SLC35F1: variants seen among roughly 807,000 people sequenced by gnomAD.
SLC35F1 encodes chromosome 6 open reading frame 169.
In SLC35F1, 14 loss-of-function variants were observed where a neutral mutation model predicts 48.7. That is an observed-to-expected ratio of 0.29 (90% CI 0.19 to 0.45). The LOEUF is 0.45. SLC35F1 is among the 20% of genes least tolerant of loss of function. The pLI, the probability that SLC35F1 is intolerant of heterozygous loss-of-function variation, is 1.00. For synonymous variants in SLC35F1, 190 were observed against 202.2 expected, an observed-to-expected ratio of 0.94 and a Z score of 0.51; for missense variants, 404 against 500.0, an observed-to-expected ratio of 0.81 and a Z score of 1.83.
intron 3 of SLC35F1, among the ~76,000 whole-genome samples, chr6:118,246,416 A>T (rs1437381838): frequency 6.6e-6 from 1 of 152,208 alleles, no homozygotes; most frequent in Non-Finnish European, 1.5e-5. Context: ...ATAGATCAGT[A>T]AATGAATTAC....
intron 1 of SLC35F1, among the ~76,000 whole-genome samples, chr6:117,943,599 A>ATG (rs1308112719): frequency 3.3e-5 from 5 of 152,212 alleles, no homozygotes; most frequent in Non-Finnish European, 7.4e-5. Flanking sequence ...TTATCTTTCA[A>ATG]TGGAAATTTA....
intron 1 of SLC35F1, among the ~76,000 whole-genome samples, chr6:118,041,403 C>T (rs1772218044): frequency 6.6e-6 from 1 of 152,152 alleles, no homozygotes; most frequent in African/African-American, 2.4e-5. Context: ...GAGCGCTTCA[C>T]TGCCTGTCAA....
intron 1 of SLC35F1, among the ~76,000 whole-genome samples, chr6:117,969,731 C>T (rs1776615698): frequency 6.6e-6 from 1 of 151,944 alleles, no homozygotes; most frequent in South Asian, 2.1e-4. Flanking sequence ...AAAAAATCAT[C>T]TGCAATTTCA....
intron 1 of SLC35F1, among the ~76,000 whole-genome samples, chr6:118,040,845 A>T (rs1238882008): frequency 6.6e-6 from 1 of 151,766 alleles, no homozygotes; most frequent in African/African-American, 2.4e-5. Context: ...GAACACTTTT[A>T]CATCTCCCTA....
intron 2 of SLC35F1, among the ~76,000 whole-genome samples, chr6:118,176,788 A>G (rs1380705554): frequency 6.6e-6 from 1 of 152,002 alleles, no homozygotes; most frequent in Non-Finnish European, 1.5e-5. Context: ...GTTGTATTAT[A>G]CTTTATGTTG....
At chr6:118,216,677 T>C (rs1281700552) in intron 2 of SLC35F1, among the ~76,000 whole-genome samples, 1 of 152,176 alleles carries the variant, frequency 6.6e-6, no homozygotes, top group Non-Finnish European at 1.5e-5. Flanking sequence ...ACACAGGAAT[T>C]ATTTCCTTAT....
chr6:118,071,203 A>G lies in SLC35F1; in HGVS notation c.174-83242A>G, dbSNP rs552313225. Among the ~76,000 whole-genome samples the G allele has an allele frequency of 5.5e-3, 799 of 145,918 alleles. 12 individuals carry two copies. Among genetic ancestry groups the G allele is most frequent in the African/African-American group, 0.019 (759 of 39,868 alleles). ...CTATGTGTGTATATACACACATAGT[A>G]TATATATATACTATGTGTATATATT... On this transcript the variant is annotated intron_variant, in intron 1 of 7. Coordinates refer to ENST00000360388, the MANE Select transcript of SLC35F1 (RefSeq NM_001029858.4).
rs1301011964 is a variant in SLC35F1 at position 118,235,635 on chromosome 6, A to T, written c.476A>T (p.Gln159Leu). The T allele has an allele frequency of 6.2e-7, 1 of 1,611,480 alleles. No individual in the cohort carries two copies. Among genetic ancestry groups the T allele is most frequent in the Non-Finnish European group, 8.5e-7 (1 of 1,179,024 alleles). ...CAATACACAACTCTGACCAGTATCC[A>T]GGTACCCATGGTTCTTCTTCCCTTC... The part of the protein sequence containing the change: ...AYQYTTLTSI[Q>L]LLDCFVIPVV... Residue 159 changes from glutamine (Q) to leucine (L), a missense_variant and splice_region_variant, in exon 3 of 8, where the codon CAG becomes CTG. Transcript: ENST00000360388.
chr6:118,154,674 A>G, intron 2 of SLC35F1, 54 bp downstream of exon 2: 3 of 1,511,976 alleles, frequency 2.0e-6, no homozygotes, highest in Non-Finnish European at 2.7e-6. Flanking sequence ...TAAAAAAAAG[A>G]TGAGCCATGA....
At chr6:118,256,258 G>A (rs189797430) in intron 3 of SLC35F1, among the ~76,000 whole-genome samples, 1 of 143,206 alleles carries the variant, frequency 7.0e-6, no homozygotes, top group East Asian at 2.1e-4. Flanking sequence ...GTGTGTGACT[G>A]AAGTTTGTCC....
intron 1 of SLC35F1, among the ~76,000 whole-genome samples, chr6:117,936,036 C>G (rs932080719): frequency 2.0e-5 from 3 of 152,134 alleles, no homozygotes; most frequent in African/African-American, 7.2e-5. Flanking sequence ...ATTTGGTGCC[C>G]TCTCTTATGG....
intron 7 of SLC35F1, among the ~76,000 whole-genome samples, chr6:118,292,043 G>A (rs1307348664): frequency 6.6e-6 from 1 of 152,130 alleles, no homozygotes; most frequent in Non-Finnish European, 1.5e-5. Context: ...GCTTGAACCC[G>A]GGAGGCAGAG....
At chr6:118,196,883 G>A (rs1774809636) in intron 2 of SLC35F1, among the ~76,000 whole-genome samples, 1 of 151,726 alleles carries the variant, frequency 6.6e-6, no homozygotes, top group African/African-American at 2.4e-5. Context: ...CCTAACATAA[G>A]GGTCCCATTT....
At chr6:117,973,396 G>A (rs905621703) in intron 1 of SLC35F1, among the ~76,000 whole-genome samples, 1 of 152,056 alleles carries the variant, frequency 6.6e-6, no homozygotes, top group Non-Finnish European at 1.5e-5. Flanking sequence ...CATAATGACT[G>A]ATTTATGTAT....
At chr6:118,244,272 G>A (rs892296098) in intron 3 of SLC35F1, among the ~76,000 whole-genome samples, 1 of 152,256 alleles carries the variant, frequency 6.6e-6, no homozygotes, top group Non-Finnish European at 1.5e-5. Context: ...AACCCACAGA[G>A]TTCTTGGCTT....
intron 7 of SLC35F1, among the ~76,000 whole-genome samples, chr6:118,295,459 G>C (rs1214107826): frequency 6.6e-6 from 1 of 152,126 alleles, no homozygotes; most frequent in East Asian, 1.9e-4. Context: ...CCCAATGCCA[G>C]AGAGTTTACA....
At chr6:118,230,888 G>A (rs187380498) in intron 2 of SLC35F1, among the ~76,000 whole-genome samples, 7 of 152,222 alleles carry the variant, frequency 4.6e-5, no homozygotes, top group Admixed American at 4.6e-4. Context: ...TTGAGCCCAG[G>A]AAGTCAGGGC....
At chr6:118,166,737 G>A (rs1774323813) in intron 2 of SLC35F1, among the ~76,000 whole-genome samples, 1 of 152,226 alleles carries the variant, frequency 6.6e-6, no homozygotes, top group East Asian at 1.9e-4. Flanking sequence ...CTCTACCCCT[G>A]TTTTCTATTA....
chr6:117,963,657 A>G (rs1468101278), intron 1 of SLC35F1, among the ~76,000 whole-genome samples: 1 of 152,138 alleles, frequency 6.6e-6, no homozygotes, highest in Non-Finnish European at 1.5e-5. Context: ...CAAATCTTGA[A>G]TACTTTATGT....
Sources: gnomAD v4.1 joint callset for allele counts (sites outside exome capture counted in the v4.1 genomes callset) on GRCh38, gnomAD v4.1.1 for gene constraint, MANE v1.5 for transcripts, NCBI Gene and HGNC (gene_info 2026-07-23, HGNC 2026-07-21) for gene names.